The following CORO2A variants were observed in gnomAD, a reference collection of about 807,000 sequenced individuals.
The protein encoded by CORO2A is coronin 2A, also known as coronin-2A.
Under a neutral mutation model 62.4 loss-of-function variants are expected in CORO2A, and 47 were observed. That is an observed-to-expected ratio of 0.75 (90% CI 0.60 to 0.96). The LOEUF (loss-of-function observed/expected upper bound fraction) is 0.96, where lower values mean the gene tolerates loss of function less well. Ranked by LOEUF, CORO2A falls within the 40% of genes least tolerant of loss-of-function variation. CORO2A has a pLI of 0.00. For synonymous variants in CORO2A, 273 were observed against 268.9 expected (o/e 1.02, Z -0.15); for missense variants, 610 against 684.1 (o/e 0.89, Z 1.21).
intron 1 of CORO2A, among the ~76,000 whole-genome samples, chr9:98,168,557 G>T (rs577825194): frequency 6.6e-6 from 1 of 152,302 alleles, no homozygotes; most frequent in African/African-American, 2.4e-5. Flanking sequence ...AAGCCAGGCT[G>T]TTCAGTCACA....
chr9:98,158,654 GAC>G (rs2118878831), intron 1 of CORO2A, among the ~76,000 whole-genome samples: 1 of 152,216 alleles, frequency 6.6e-6, no homozygotes, highest in African/African-American at 2.4e-5. Context: ...ATTCGCACAT[GAC>G]AGTCAGGGAG....
Position 98,157,513 on chromosome 9 carries a change from C to T in CORO2A, c.148G>A (p.Val50Ile), listed in dbSNP as rs765476284. ...FCAVNPHFIA[V>I]VTECAGGGAF... ...CCTCCACCAGCACACTCAGTCACAA[C>T]TGCAATGAAGTGGGGGTTCACGGCA... Residue 50 changes from valine (V) to isoleucine (I), a missense_variant, in exon 2 of 12, where the codon GTT becomes ATT. Coordinates refer to ENST00000375077, the MANE Select transcript of CORO2A (RefSeq NM_052820.4). The T allele has an allele frequency of 2.1e-5, 34 of 1,614,102 alleles. No homozygotes were observed. Among genetic ancestry groups the T allele is most frequent in the Admixed American group, 5.0e-5 (3 of 60,012 alleles).
chr9:98,184,696 C>T (rs949712710), intron 1 of CORO2A, among the ~76,000 whole-genome samples: 2 of 152,126 alleles, frequency 1.3e-5, no homozygotes, highest in East Asian at 1.9e-4. Context: ...TGGCTGCCTT[C>T]GGGGACCCCA....
At chr9:98,126,072 G>A (rs552272615) in intron 11 of CORO2A, among the ~76,000 whole-genome samples, 5 of 129,928 alleles carry the variant, frequency 3.8e-5, no homozygotes, top group African/African-American at 1.5e-4. Flanking sequence ...GTCTTGCTCT[G>A]TTGCCCAGGC....
chr9:98,130,192 C>T lies in CORO2A; in HGVS notation c.871-302G>A, dbSNP rs571227973. 7.0e-4 allele frequency among the ~76,000 whole-genome samples: 106 copies of T among 152,232 alleles called. 2 individuals carry two copies. Among genetic ancestry groups the T allele is most frequent in the Admixed American group, 1.9e-3 (29 of 15,294 alleles). ...ACCTCCTGGTCTCAAGCCATCTTCCCGCCTCAGCCTCCCGAGTAGGTGGGA... is the reference window on the plus strand; with the variant it reads ...ACCTCCTGGTCTCAAGCCATCTTCCTGCCTCAGCCTCCCGAGTAGGTGGGA... On this transcript the variant is annotated intron_variant, in intron 7 of 11. Transcript: ENST00000375077.
rs745703254 is a variant in CORO2A at position 98,133,047 on chromosome 9, G to A, written c.639C>T (p.Thr213=). The change falls in exon 5 of 12, where the codon ACC becomes ACT. Residue 213 remains threonine, a synonymous_variant. Coordinates refer to ENST00000375077, the MANE Select transcript of CORO2A (RefSeq NM_052820.4). ...CTGGCCCAGAACTGACCTGGAGGAC[G>A]GTCCCTGCTCGGGGGTCAATAACCC... ...KIRVIDPRAG[T]VLQEASYKGH... 5.6e-6 allele frequency: 9 copies of A among 1,614,106 alleles called. No individual in the cohort carries two copies. Among genetic ancestry groups the A allele is most frequent in the South Asian group, 4.4e-5 (4 of 91,092 alleles).
intron 2 of CORO2A, among the ~76,000 whole-genome samples, chr9:98,139,215 A>T (rs982465670): frequency 6.6e-6 from 1 of 152,088 alleles, no homozygotes; most frequent in African/African-American, 2.4e-5. Flanking sequence ...GGTGGTGGTG[A>T]CAGTTTATTC....
chr9:98,164,927 G>T (rs1827938347), intron 1 of CORO2A, among the ~76,000 whole-genome samples: 1 of 140,892 alleles, frequency 7.1e-6, no homozygotes, highest in African/African-American at 2.9e-5. Context: ...GGATAAGTTG[G>T]TCACTCTCCC....
At chr9:98,186,940 T>C (rs1380058662) in intron 1 of CORO2A, among the ~76,000 whole-genome samples, 1 of 152,168 alleles carries the variant, frequency 6.6e-6, no homozygotes, top group African/African-American at 2.4e-5. Context: ...GCCATCTCTC[T>C]GCACCTGTCT....
intron 1 of CORO2A, among the ~76,000 whole-genome samples, chr9:98,172,241 A>C (rs1340867699): frequency 1.3e-5 from 1 of 76,678 alleles, no homozygotes; most frequent in African/African-American, 5.3e-5. Flanking sequence ...GCTCAGCCCC[A>C]CGCCCTACTT....
intron 2 of CORO2A, among the ~76,000 whole-genome samples, chr9:98,151,126 AGATAATTTGTGGAGT>A: frequency 6.6e-6 from 1 of 152,294 alleles, no homozygotes; most frequent in South Asian, 2.1e-4. Flanking sequence ...AACAACCATG[AGATAATTTGTGGAGT>A]TAATGAAAAT....
At position 98,144,279 on chromosome 9, in the gene CORO2A, A is replaced by G. The variant is rs551933956; in HGVS notation, c.202-6591T>C. 1.3e-4 allele frequency among the ~76,000 whole-genome samples: 20 copies of G among 152,274 alleles called. No individual in the cohort carries two copies. The South Asian group carries it at 4.1e-3, about 32-fold the overall frequency. ...CCCAGTGCCAGCTGCGTTGCTCATAATATTTGATTTACCTCCCAACCACCC... is the reference window on the plus strand; with the variant it reads ...CCCAGTGCCAGCTGCGTTGCTCATAGTATTTGATTTACCTCCCAACCACCC... On this transcript the variant is annotated intron_variant, in intron 2 of 11. Transcript: ENST00000375077.
intron 2 of CORO2A, among the ~76,000 whole-genome samples, chr9:98,151,991 AT>A (rs1467483573): frequency 5.3e-5 from 8 of 151,472 alleles, no homozygotes. Context: ...TAATTTTTGT[AT>A]TTTTAGTAGA....
At chr9:98,178,428 AAAAACCACGTGTCCATTCTGT>A (rs1828136273) in intron 1 of CORO2A, among the ~76,000 whole-genome samples, 1 of 152,256 alleles carries the variant, frequency 6.6e-6, no homozygotes, top group Non-Finnish European at 1.5e-5. Flanking sequence ...ACGAATCTTT[AAAAACCACGTGTCCATTCTGT>A]AAGCGCTAGT....
chr9:98,172,029 T>A (rs978459942), intron 1 of CORO2A, among the ~76,000 whole-genome samples: 19 of 151,972 alleles, frequency 1.3e-4, no homozygotes, highest in South Asian at 1.0e-3. Context: ...CATGTCCAGC[T>A]CCAGTGGGCT....
chr9:98,153,860 T>G (rs1827763747), intron 2 of CORO2A, among the ~76,000 whole-genome samples: 1 of 152,192 alleles, frequency 6.6e-6, no homozygotes, highest in Non-Finnish European at 1.5e-5. Flanking sequence ...TTCTCCCTTA[T>G]CCTTCATTTG....
At chr9:98,137,422 C>T (rs1385810535) in intron 3 of CORO2A, 150 bp downstream of exon 3, 4 of 696,304 alleles carry the variant, frequency 5.7e-6, no homozygotes, top group African/African-American at 5.3e-5. Context: ...AATGTCTCCT[C>T]CTCTACCTTA....
intron 1 of CORO2A, among the ~76,000 whole-genome samples, chr9:98,160,038 C>G (rs1334343351): frequency 6.6e-6 from 1 of 152,212 alleles, no homozygotes; most frequent in Non-Finnish European, 1.5e-5. Flanking sequence ...ACCCCTGAGG[C>G]AAGCCCTTTA....
At chr9:98,182,743 C>T (rs1406588505) in intron 1 of CORO2A, among the ~76,000 whole-genome samples, 6 of 152,258 alleles carry the variant, frequency 3.9e-5, no homozygotes, top group African/African-American at 1.4e-4. Flanking sequence ...AGCTACAATG[C>T]GATGGTGAAG....
Sources: gnomAD v4.1 joint callset for allele counts (sites outside exome capture counted in the v4.1 genomes callset) on GRCh38, gnomAD v4.1.1 for gene constraint, MANE v1.5 for transcripts, NCBI Gene and HGNC (gene_info 2026-07-23, HGNC 2026-07-21) for gene names.